Variants in PTOV1 observed in about 807,000 individuals in gnomAD.
PTOV1 encodes PTOV1 extended AT-hook containing adaptor protein, also known as prostate tumor-overexpressed gene 1 protein.
A neutral mutation model predicts 58.0 loss-of-function variants in PTOV1; 20 were observed. The observed-to-expected ratio is 0.34, with a 90% CI of 0.24 to 0.50. The LOEUF (loss-of-function observed/expected upper bound fraction) is 0.50, where lower values mean the gene tolerates loss of function less well. Among genes scored for constraint, PTOV1 ranks in the 20% least tolerant of loss-of-function variants. The pLI is 0.98. For synonymous variants in PTOV1, 335 were observed against 234.2 expected (o/e 1.43, Z -3.93); for missense variants, 593 against 565.4 (o/e 1.05, Z -0.50).
At chr19:49,857,305 C>A in intron 6 of PTOV1, 175 bp downstream of exon 6, 1 of 904,138 alleles carries the variant, frequency 1.1e-6, no homozygotes, top group Non-Finnish European at 1.7e-6. Flanking sequence ...GGAAAAGCGG[C>A]CACTGGGCGG....
chr19:49,858,471 C>CG (rs2074581546), intron 9 of PTOV1, 78 bp from the exon 10 acceptor site: 1 of 1,211,784 alleles, frequency 8.3e-7, no homozygotes, highest in Non-Finnish European at 1.2e-6. Flanking sequence ...GTCCTGGGCC[C>CG]GGGGGACTCA....
At chr19:49,857,864 C>T in intron 7 of PTOV1, 40 bp from the exon 8 acceptor site, 1 of 1,612,044 alleles carries the variant, frequency 6.2e-7, no homozygotes, top group Non-Finnish European at 8.5e-7. Context: ...CATTGGGGGT[C>T]TCCAGCCCTG....
At chr19:49,858,138 G>A in intron 9 of PTOV1, 24 bp downstream of exon 9, 1 of 1,610,190 alleles carries the variant, frequency 6.2e-7, no homozygotes, top group African/African-American at 1.3e-5. Context: ...GCCGGGTGCT[G>A]GAGCCTGCAC....
rs776730341 is a variant in PTOV1, at chr19:49,858,102, G to T, written c.924G>T (p.Pro308=). The T allele has an allele frequency of 1.9e-6, 3 of 1,613,532 alleles. No homozygotes were observed. Among genetic ancestry groups the T allele is most frequent in the Non-Finnish European group, 2.5e-6 (3 of 1,179,920 alleles). Residue 308 remains proline, a synonymous_variant, in exon 9 of 12, where the codon CCG becomes CCT. Coordinates refer to ENST00000391842, the Ensembl canonical transcript of PTOV1. ...GGAAGCTGTACATGCAGCTCATCCC[G>T]CAGCAGCTGCTGGTGAGGGGCTGGG...
chr19:49,853,783 C>T (rs535638090), intron 1 of PTOV1, among the ~76,000 whole-genome samples: 2 of 152,316 alleles, frequency 1.3e-5, no homozygotes, highest in Admixed American at 6.5e-5. Context: ...CCCCCTTTTC[C>T]TCGCTGTCTT....
At chr19:49,854,540 G>A (rs754734913) in exon 2 of PTOV1, 15 of 1,612,894 alleles carry the variant, frequency 9.3e-6, no homozygotes, top group African/African-American at 1.3e-5. Context: ...TCGAGTGGCA[G>A]GAGGTGAGTC....
At chr19:49,852,755 CCTGA>C (rs1028747380) in intron 1 of PTOV1, 20 of 152,326 alleles carry the variant, frequency 1.3e-4, no homozygotes, top group Middle Eastern at 6.8e-3. Context: ...AGTGCGTTCT[CCTGA>C]CTTTTACCCA....
At chr19:49,850,926 G>A (rs2074214079), upstream of PTOV1, 3 of 1,535,796 alleles carry the variant, frequency 2.0e-6, no homozygotes, top group African/African-American at 1.4e-5. Flanking sequence ...CCAGCTTGGT[G>A]TCGCCTTCGT....
chr19:49,859,892 G>A, intron 10 of PTOV1, 94 bp from the exon 11 acceptor site: 1 of 1,365,980 alleles, frequency 7.3e-7, no homozygotes, highest in Non-Finnish European at 1.0e-6. Flanking sequence ...GTTAGGCTGT[G>A]CCTGGCTCAT....
At chr19:49,858,913 A>G (rs1056227630) in intron 10 of PTOV1, 3 of 398,258 alleles carry the variant, frequency 7.5e-6, no homozygotes, top group South Asian at 4.8e-5. Flanking sequence ...CGCGCTCTCC[A>G]CTCCTCAGGG....
exon 12 of PTOV1, chr19:49,860,707 C>T: frequency 2.9e-6 from 1 of 341,402 alleles, no homozygotes; most frequent in South Asian, 4.6e-5. Flanking sequence ...GTCCCCACCC[C>T]TCTACGTTTC....
At chr19:49,857,295 G>T in intron 6 of PTOV1, 165 bp downstream of exon 6, 2 of 1,010,616 alleles carry the variant, frequency 2.0e-6, no homozygotes, top group South Asian at 1.6e-5. Flanking sequence ...AGGGCTCCAT[G>T]GAAAAGCGGC....
At chr19:49,850,777 C>G, upstream of PTOV1, 5 of 1,395,694 alleles carry the variant, frequency 3.6e-6, no homozygotes, top group Non-Finnish European at 4.9e-6. Flanking sequence ...TCAGTGGGTT[C>G]CCTTTCAGTG....
intron 5 of PTOV1, chr19:49,855,553 G>A: frequency 5.2e-6 from 1 of 192,722 alleles, no homozygotes. Context: ...AGCAGGCGCG[G>A]TGAGTAGGTC....
exon 12 of PTOV1, chr19:49,860,363 G>A: frequency 8.3e-7 from 1 of 1,208,528 alleles, no homozygotes; most frequent in South Asian, 1.3e-5. Context: ...TCATGTACAG[G>A]AGGGACCCTG....
intron 5 of PTOV1, chr19:49,855,294 T>A (rs1264192621): frequency 1.7e-6 from 1 of 578,836 alleles, no homozygotes; most frequent in South Asian, 2.0e-5. Flanking sequence ...AGTTTCTGCA[T>A]CTGTGCCCAG....
At position 49,858,529 on chromosome 19, in the gene PTOV1, G is replaced by A. The variant is rs549408908; in HGVS notation, c.937-20G>A. On this transcript the variant is annotated intron_variant, in intron 9 of 11. Transcript: ENST00000391842. The stretch of plus-strand genomic sequence containing the variant: ...GTGGTGGGAGAAGCCAGAGCTGGGG[G>A]TCCCCTCGCTTCCCCGCAGACCACC... The A allele has an allele frequency of 2.2e-5, 34 of 1,565,340 alleles. No homozygotes were observed. Among genetic ancestry groups the A allele is most frequent in the African/African-American group, 4.1e-5 (3 of 73,818 alleles).
intron 5 of PTOV1, 158 bp from the exon 6 acceptor site, chr19:49,856,817 C>A: frequency 1.2e-6 from 1 of 846,096 alleles, no homozygotes; most frequent in Non-Finnish European, 1.8e-6. Context: ...GCTGCACGGG[C>A]TCTCAGAGGC....
At chr19:49,860,648 T>TC (rs2074717464) in exon 12 of PTOV1, 1 of 428,414 alleles carries the variant, frequency 2.3e-6, no homozygotes, top group Non-Finnish European at 4.2e-6. Context: ...CCTGGGGACT[T>TC]CAACTGCCCA....
Sources: allele counts gnomAD v4.1 joint callset (sites outside exome capture counted in the v4.1 genomes callset), GRCh38; gene constraint gnomAD v4.1.1; transcripts MANE v1.5; gene names NCBI Gene and HGNC (gene_info 2026-07-23, HGNC 2026-07-21).